ATP8A1: variants seen among roughly 807,000 people sequenced by gnomAD.
ATP8A1 encodes phospholipid-transporting ATPase IA.
In ATP8A1, 90 loss-of-function variants were observed where a neutral mutation model predicts 177.7. The observed-to-expected ratio is 0.51, with a 90% CI of 0.43 to 0.60. The LOEUF (loss-of-function observed/expected upper bound fraction) is 0.60, where lower values mean the gene tolerates loss of function less well. Among genes scored for constraint, ATP8A1 ranks in the 20% least tolerant of loss-of-function variants. ATP8A1 has a pLI of 0.00. For missense variants in ATP8A1, 1,072 were observed against 1,392.8 expected (o/e 0.77, Z 3.67); for synonymous variants, 493 against 485.9 (o/e 1.01, Z -0.19).
At chr4:42,549,149 T>TA (rs1729228548) in intron 18 of ATP8A1, 87 bp from the exon 19 acceptor site, 2 of 1,084,166 alleles carry the variant, frequency 1.8e-6, no homozygotes, top group Non-Finnish European at 2.7e-6. Context: ...AATTTTACTG[T>TA]AAAAAATGCC....
intron 27 of ATP8A1, among the ~76,000 whole-genome samples, chr4:42,457,449 A>G (rs897132634): frequency 6.6e-6 from 1 of 152,228 alleles, no homozygotes; most frequent in Non-Finnish European, 1.5e-5. Flanking sequence ...GGTATGATGG[A>G]AATATAAGGA....
chr4:42,635,742 T>C (rs1319119876), intron 1 of ATP8A1, among the ~76,000 whole-genome samples: 4 of 135,032 alleles, frequency 3.0e-5, no homozygotes, highest in Non-Finnish European at 4.7e-5. Context: ...TACACACATA[T>C]ATACATATAT....
rs369860461 is a variant in ATP8A1, at chr4:42,468,122, G to A, written c.2325-3046C>T. ...GGTGATCAGGGAACACTTCTACACCGCTGGTGGGAATGTAAACTAGTATAA... is the reference window on the plus strand; with the variant it reads ...GGTGATCAGGGAACACTTCTACACCACTGGTGGGAATGTAAACTAGTATAA... On this transcript the variant is annotated intron_variant, in intron 25 of 36. Coordinates refer to ENST00000381668, the MANE Select transcript of ATP8A1 (RefSeq NM_006095.2). Among the ~76,000 whole-genome samples the A allele has an allele frequency of 6.6e-5, 10 of 152,276 alleles. No homozygotes were observed. The East Asian group carries it at 9.6e-4, about 15-fold the overall frequency.
intron 19 of ATP8A1, among the ~76,000 whole-genome samples, chr4:42,544,411 C>A (rs962202674): frequency 6.6e-5 from 10 of 152,124 alleles, no homozygotes; most frequent in African/African-American, 2.4e-4. Context: ...ATCAGTGACA[C>A]CCCATCACAC....
At chr4:42,536,661 G>A (rs1222952651) in intron 20 of ATP8A1, among the ~76,000 whole-genome samples, 2 of 152,056 alleles carry the variant, frequency 1.3e-5, no homozygotes, top group African/African-American at 4.8e-5. Flanking sequence ...ACTACAGACC[G>A]ATATCCCTGA....
chr4:42,479,878 G>A (rs1721475774), intron 25 of ATP8A1, among the ~76,000 whole-genome samples: 1 of 152,148 alleles, frequency 6.6e-6, no homozygotes, highest in South Asian at 2.1e-4. Context: ...TCCTGCTTGG[G>A]TGCTTGTCAC....
rs569959515 is a variant in ATP8A1, at chr4:42,504,018, C to G, written c.2087-504G>C. 1.8e-3 allele frequency among the ~76,000 whole-genome samples: 279 copies of G among 152,290 alleles called. 3 individuals are homozygous for G. Among genetic ancestry groups the G allele is most frequent in the African/African-American group, 6.6e-3 (273 of 41,568 alleles). On this transcript the variant is annotated intron_variant, in intron 23 of 36. Transcript: ENST00000381668. ...GCACTTACTGCAGGGCAAAAATCCT[C>G]CCTTTGTTCAATTCAACTTGGCCTA... is the stretch of plus-strand genomic sequence containing the variant.
At chr4:42,489,978 G>A (rs374619118) in intron 24 of ATP8A1, among the ~76,000 whole-genome samples, 2 of 152,146 alleles carry the variant, frequency 1.3e-5, no homozygotes, top group African/African-American at 4.8e-5. Context: ...ATTTTCACTC[G>A]TGGGCTGAAA....
intron 12 of ATP8A1, among the ~76,000 whole-genome samples, chr4:42,577,195 T>A (rs1560478844): frequency 6.6e-6 from 1 of 152,244 alleles, no homozygotes; most frequent in African/African-American, 2.4e-5. Flanking sequence ...AAAGTGATTA[T>A]CTAGCTTACT....
At chr4:42,452,723 G>A (rs1009728797) in intron 29 of ATP8A1, among the ~76,000 whole-genome samples, 14 of 152,172 alleles carry the variant, frequency 9.2e-5, no homozygotes, top group African/African-American at 3.4e-4. Context: ...GAGAGCAAGC[G>A]TCACTGGTAC....
chr4:42,554,287 T>C (rs150527877), intron 16 of ATP8A1, among the ~76,000 whole-genome samples: 1 of 152,228 alleles, frequency 6.6e-6, no homozygotes, highest in Non-Finnish European at 1.5e-5. Context: ...ACACCCAAGA[T>C]AGATTCTAGC....
At position 42,568,224 on chromosome 4, in the gene ATP8A1, TTG is replaced by T. The variant is rs140657322; in HGVS notation, c.1340+935_1340+936del. Among the ~76,000 whole-genome samples, 1,488 of 152,330 alleles carry T rather than the reference TTG, an allele frequency of 9.8e-3. 25 individuals are homozygous for T. Among genetic ancestry groups the T allele is most frequent in the African/African-American group, 0.034 (1,402 of 41,562 alleles). On this transcript the variant is annotated intron_variant, in intron 15 of 36. Coordinates refer to ENST00000381668, the MANE Select transcript of ATP8A1 (RefSeq NM_006095.2). ...AGCTGCCTGTCATTAACCCTAGGTG[TTG>T]TGAGATTTACTGAAAATTTTTACCA...
intron 27 of ATP8A1, among the ~76,000 whole-genome samples, chr4:42,457,483 T>C (rs1309798419): frequency 6.6e-6 from 1 of 152,230 alleles, no homozygotes; most frequent in Non-Finnish European, 1.5e-5. Context: ...CTTCCAATTA[T>C]GGCCTCTCTA....
intron 16 of ATP8A1, among the ~76,000 whole-genome samples, chr4:42,554,291 T>G (rs1462612611): frequency 6.6e-6 from 1 of 152,054 alleles, no homozygotes; most frequent in Admixed American, 6.5e-5. Context: ...CCAAGATAGA[T>G]TCTAGCAATC....
chr4:42,544,791 G>A (rs561563884), intron 19 of ATP8A1, among the ~76,000 whole-genome samples: 9 of 152,160 alleles, frequency 5.9e-5, no homozygotes, highest in Non-Finnish European at 1.5e-5. Flanking sequence ...AAACTGAGAT[G>A]AGTTCAATAT....
chr4:42,558,997 A>G (rs1159763797), intron 15 of ATP8A1, among the ~76,000 whole-genome samples: 2 of 152,160 alleles, frequency 1.3e-5, no homozygotes, highest in African/African-American at 4.8e-5. Flanking sequence ...GCAACACAGC[A>G]AGACCTGTCT....
At chr4:42,438,140 A>C (rs1259106020) in intron 33 of ATP8A1, among the ~76,000 whole-genome samples, 2 of 152,292 alleles carry the variant, frequency 1.3e-5, no homozygotes, top group East Asian at 3.9e-4. Context: ...ATGGAAAAGG[A>C]ACAGACAGGA....
At chr4:42,453,184 C>T (rs896739418) in intron 29 of ATP8A1, among the ~76,000 whole-genome samples, 1 of 152,296 alleles carries the variant, frequency 6.6e-6, no homozygotes. Context: ...CCTGTCACGA[C>T]CTCAGAACCT....
chr4:42,561,202 G>A (rs541082532), intron 15 of ATP8A1, among the ~76,000 whole-genome samples: 1 of 152,224 alleles, frequency 6.6e-6, no homozygotes, highest in Non-Finnish European at 1.5e-5. Context: ...CACGGCTGCT[G>A]CTCAGGTGGG....
Sources: allele counts gnomAD v4.1 joint callset (sites outside exome capture counted in the v4.1 genomes callset), GRCh38; gene constraint gnomAD v4.1.1; transcripts MANE v1.5; gene names NCBI Gene and HGNC (gene_info 2026-07-23, HGNC 2026-07-21).